The following BICC1 variants were observed in gnomAD, a reference collection of about 807,000 sequenced individuals.
The protein encoded by BICC1 is BicC family RNA binding protein 1.
A neutral mutation model predicts 111.0 loss-of-function variants in BICC1; 43 were observed. The observed-to-expected ratio is 0.39, with a 90% CI of 0.30 to 0.50. BICC1 has a LOEUF of 0.50. Among genes scored for constraint, BICC1 ranks in the 20% least tolerant of loss-of-function variants. The pLI is 0.88. For synonymous variants in BICC1, 467 were observed against 434.4 expected, an observed-to-expected ratio of 1.07 and a Z score of -0.93; for missense variants, 1,091 against 1,203.2, an observed-to-expected ratio of 0.91 and a Z score of 1.38.
intron 3 of BICC1, among the ~76,000 whole-genome samples, chr10:58,724,378 T>A (rs1284643067): frequency 6.6e-6 from 1 of 152,174 alleles, no homozygotes; most frequent in East Asian, 1.9e-4. Context: ...GAACTCTGTG[T>A]CTGTGTGTGT....
intron 1 of BICC1, among the ~76,000 whole-genome samples, chr10:58,574,810 A>G (rs187497705): frequency 6.6e-6 from 1 of 152,248 alleles, no homozygotes; most frequent in Admixed American, 6.5e-5. Flanking sequence ...CAGTGAGATG[A>G]ATGATATTGT....
At chr10:58,794,880 G>A (rs1843300906) in intron 9 of BICC1, among the ~76,000 whole-genome samples, 1 of 152,168 alleles carries the variant, frequency 6.6e-6, no homozygotes, top group South Asian at 2.1e-4. Flanking sequence ...TTCTACTTCT[G>A]ATTATACACT....
intron 1 of BICC1, among the ~76,000 whole-genome samples, chr10:58,576,192 A>T (rs1844106576): frequency 6.6e-6 from 1 of 152,194 alleles, no homozygotes; most frequent in South Asian, 2.1e-4. Context: ...CCTTTCAGGA[A>T]CAACTCTGTT....
At chr10:58,616,451 C>T (rs535533261) in intron 1 of BICC1, among the ~76,000 whole-genome samples, 5 of 152,324 alleles carry the variant, frequency 3.3e-5, no homozygotes, top group South Asian at 2.1e-4. Flanking sequence ...CCCACCTGGG[C>T]GCTTCAGCTC....
chr10:58,698,509 C>T (rs777752616), intron 2 of BICC1, among the ~76,000 whole-genome samples: 3 of 152,146 alleles, frequency 2.0e-5, no homozygotes, highest in Non-Finnish European at 2.9e-5. Flanking sequence ...TACCCACGAC[C>T]GGGTTAGGAT....
chr10:58,725,255 A>G (rs945048263), intron 3 of BICC1, among the ~76,000 whole-genome samples: 1 of 152,184 alleles, frequency 6.6e-6, no homozygotes, highest in Admixed American at 6.5e-5. Context: ...AGACTCTTAA[A>G]TGTGTAAGGA....
chr10:58,685,185 T>G (rs1045616730), intron 2 of BICC1, among the ~76,000 whole-genome samples: 1 of 152,174 alleles, frequency 6.6e-6, no homozygotes, highest in Non-Finnish European at 1.5e-5. Flanking sequence ...GGGTTTTGAG[T>G]GAGTTTCTTA....
intron 1 of BICC1, among the ~76,000 whole-genome samples, chr10:58,547,563 G>A (rs925814077): frequency 1.3e-5 from 2 of 152,184 alleles, no homozygotes; most frequent in South Asian, 4.1e-4. Context: ...CAGCCCATGT[G>A]TGAGTAGGAG....
intron 8 of BICC1, among the ~76,000 whole-genome samples, chr10:58,792,404 C>G (rs1052561017): frequency 6.6e-6 from 1 of 152,142 alleles, no homozygotes; most frequent in African/African-American, 2.4e-5. Context: ...GGCAGGGGTC[C>G]TCAATCCCCG....
intron 15 of BICC1, among the ~76,000 whole-genome samples, chr10:58,806,199 A>G (rs3740452): frequency 0.67 from 102,580 of 152,052 alleles, 35,503 homozygotes; most frequent in East Asian, 0.76. Context: ...CAATAGATAC[A>G]TGACAGCATT....
chr10:58,640,540 T>G (rs796214402), intron 2 of BICC1, among the ~76,000 whole-genome samples: 60 of 152,336 alleles, frequency 3.9e-4, no homozygotes, highest in African/African-American at 1.2e-3. Flanking sequence ...TATTTACATA[T>G]GCAGCTTATA....
intron 2 of BICC1, among the ~76,000 whole-genome samples, chr10:58,681,302 G>T (rs1564549904): frequency 6.6e-6 from 1 of 152,202 alleles, no homozygotes; most frequent in East Asian, 1.9e-4. Flanking sequence ...AATCTACAAG[G>T]AACTTAGACT....
At chr10:58,692,915 G>A (rs1336802383) in intron 2 of BICC1, among the ~76,000 whole-genome samples, 1 of 151,366 alleles carries the variant, frequency 6.6e-6, no homozygotes, top group East Asian at 1.9e-4. Context: ...CAACGTGCAG[G>A]TTTGTTACAT....
intron 14 of BICC1, among the ~76,000 whole-genome samples, chr10:58,801,779 C>T (rs992960177): frequency 6.6e-6 from 1 of 152,090 alleles, no homozygotes; most frequent in Non-Finnish European, 1.5e-5. Context: ...ATCCATTTTC[C>T]TTTATAAACT....
chr10:58,769,992 A>G lies in BICC1; in HGVS notation c.308-15009A>G, dbSNP rs371194558. On this transcript the variant is annotated intron_variant, in intron 3 of 20. Coordinates refer to ENST00000373886, the MANE Select transcript of BICC1 (RefSeq NM_001080512.3). ...GTTTACATATCTTTATTATATGTTC[A>G]GTCAAAGCTGTCAAAATCGGTTCTT... is the stretch of plus-strand genomic sequence containing the variant. 1.1e-3 allele frequency among the ~76,000 whole-genome samples: 169 copies of G among 152,288 alleles called. 1 individual carries two copies. Among genetic ancestry groups the G allele is most frequent in the African/African-American group, 3.8e-3 (158 of 41,578 alleles).
chr10:58,796,622 T>A, intron 10 of BICC1, 96 bp downstream of exon 10: 1 of 1,144,978 alleles, frequency 8.7e-7, no homozygotes, highest in South Asian at 1.9e-5. Flanking sequence ...TTAAAGGCTA[T>A]TTTTTTTTCC....
intron 1 of BICC1, among the ~76,000 whole-genome samples, chr10:58,533,088 G>A (rs1048746031): frequency 3.4e-5 from 4 of 115,988 alleles, no homozygotes; most frequent in Non-Finnish European, 2.0e-5. Flanking sequence ...AATAACATCT[G>A]GTTATTATGA....
At chr10:58,817,826 A>G in intron 19 of BICC1, 104 bp downstream of exon 19, 1 of 1,185,798 alleles carries the variant, frequency 8.4e-7, no homozygotes, top group Non-Finnish European at 1.2e-6. Flanking sequence ...TTCACTGAGC[A>G]TTTATTCAAG....
At chr10:58,668,583 C>G (rs1049993531) in intron 2 of BICC1, among the ~76,000 whole-genome samples, 6 of 152,114 alleles carry the variant, frequency 3.9e-5, no homozygotes, top group Admixed American at 3.9e-4. Flanking sequence ...ATGGACATAG[C>G]ATGTGACTAG....
Sources: allele counts gnomAD v4.1 joint callset (sites outside exome capture counted in the v4.1 genomes callset), GRCh38; gene constraint gnomAD v4.1.1; transcripts MANE v1.5; gene names NCBI Gene and HGNC (gene_info 2026-07-23, HGNC 2026-07-21).